CNTNAP2: variants seen among roughly 807,000 people sequenced by gnomAD.
CNTNAP2 encodes the protein contactin associated protein 2.
Under a neutral mutation model 155.2 loss-of-function variants are expected in CNTNAP2, and 98 were observed. That is an observed-to-expected ratio of 0.63 (90% CI 0.54 to 0.75). The LOEUF is 0.75. Ranked by LOEUF, CNTNAP2 falls within the 30% of genes least tolerant of loss-of-function variation. The pLI is 0.00. For missense variants in CNTNAP2, 1,727 were observed against 1,688.1 expected (o/e 1.02, Z -0.40); for synonymous variants, 651 against 631.2 (o/e 1.03, Z -0.47).
At chr7:147,810,359 A>G (rs75816657) in intron 13 of CNTNAP2, among the ~76,000 whole-genome samples, 7 of 152,056 alleles carry the variant, frequency 4.6e-5, no homozygotes, top group African/African-American at 9.6e-5. Flanking sequence ...TAAGAAATCT[A>G]CTTTCTCCCT....
chr7:147,537,392 A>G (rs1423059183), intron 11 of CNTNAP2, among the ~76,000 whole-genome samples: 1 of 152,234 alleles, frequency 6.6e-6, no homozygotes, highest in African/African-American at 2.4e-5. Context: ...ATTCAAACTG[A>G]ATAACAAAAT....
Position 148,419,239 on chromosome 7 carries a change from A to G in CNTNAP2, c.*3623A>G, listed in dbSNP as rs1800060060. 6.6e-6 allele frequency: 1 copy of G among 152,054 alleles called. No homozygotes were observed. The highest frequency in any genetic ancestry group is 1.5e-5 in the Non-Finnish European group (1 of 68,020). 9.4% of individuals were successfully genotyped at this position (152,054 alleles called of 1,614,324 possible). On this transcript the variant is annotated 3_prime_UTR_variant, in exon 24 of 24. Coordinates refer to ENST00000361727, the MANE Select transcript of CNTNAP2 (RefSeq NM_014141.6). ...ATTTTTTCTTTTCACCACCCTGTTG[A>G]GCAATTTTCCCAAAAAAAGGGCAGC...
intron 11 of CNTNAP2, among the ~76,000 whole-genome samples, chr7:147,542,692 G>C (rs937362476): frequency 6.6e-6 from 1 of 152,112 alleles, no homozygotes; most frequent in African/African-American, 2.4e-5. Context: ...GAGAAACCTT[G>C]AACAGGTTTG....
intron 19 of CNTNAP2, among the ~76,000 whole-genome samples, chr7:148,225,438 G>A (rs1317298833): frequency 6.6e-6 from 1 of 152,176 alleles, no homozygotes; most frequent in Non-Finnish European, 1.5e-5. Context: ...AGGCCCTTGG[G>A]TAGGAACAGG....
chr7:147,161,235 T>C (rs2116454375), intron 8 of CNTNAP2, among the ~76,000 whole-genome samples: 1 of 152,232 alleles, frequency 6.6e-6, no homozygotes, highest in South Asian at 2.1e-4. Flanking sequence ...ACATGCAATA[T>C]ATGAAGTACC....
intron 1 of CNTNAP2, among the ~76,000 whole-genome samples, chr7:146,215,345 A>G (rs1450985087): frequency 6.6e-6 from 1 of 152,206 alleles, no homozygotes; most frequent in African/African-American, 2.4e-5. Context: ...ATCATTTCTT[A>G]TAAGAAGGAT....
intron 1 of CNTNAP2, among the ~76,000 whole-genome samples, chr7:146,628,051 T>C (rs149643944): frequency 6.6e-6 from 1 of 152,302 alleles, no homozygotes; most frequent in African/African-American, 2.4e-5. Flanking sequence ...TCCAAAGATA[T>C]ATTTAATAGT....
chr7:146,921,141 G>T (rs184006766), intron 3 of CNTNAP2, among the ~76,000 whole-genome samples: 1 of 152,220 alleles, frequency 6.6e-6, no homozygotes, highest in East Asian at 1.9e-4. Flanking sequence ...CAGCAGAAGA[G>T]GTGGACTACC....
At chr7:147,897,807 G>A (rs1799800439) in intron 13 of CNTNAP2, among the ~76,000 whole-genome samples, 1 of 152,164 alleles carries the variant, frequency 6.6e-6, no homozygotes, top group South Asian at 2.1e-4. Context: ...GACTTCATAA[G>A]GAGAAAAATT....
At chr7:147,262,600 C>T (rs762383118) in intron 8 of CNTNAP2, among the ~76,000 whole-genome samples, 14 of 152,030 alleles carry the variant, frequency 9.2e-5, no homozygotes, top group South Asian at 2.1e-4. Context: ...TTCAGGAGAT[C>T]GAGACCATCC....
At chr7:147,870,678 A>G (rs972984777) in intron 13 of CNTNAP2, among the ~76,000 whole-genome samples, 5 of 152,118 alleles carry the variant, frequency 3.3e-5, no homozygotes, top group Non-Finnish European at 4.4e-5. Flanking sequence ...AATTCTTTGC[A>G]TTTTTTTAGT....
rs111357787 is a variant in CNTNAP2, at chr7:147,462,878, A to T, written c.1671-23057A>T. Among the ~76,000 whole-genome samples the T allele has an allele frequency of 2.4e-3, 367 of 152,328 alleles. 2 individuals are homozygous for T. Among genetic ancestry groups the T allele is most frequent in the African/African-American group, 8.5e-3 (353 of 41,578 alleles). On this transcript the variant is annotated intron_variant, in intron 10 of 23. Coordinates refer to ENST00000361727, the MANE Select transcript of CNTNAP2 (RefSeq NM_014141.6). ...ACTGCAAGCTCCGCCTCCCGGGTTC[A>T]CGTGGGATACTATATTCTAACAAGT...
At chr7:147,736,320 T>A (rs1188138883) in intron 13 of CNTNAP2, among the ~76,000 whole-genome samples, 1 of 152,168 alleles carries the variant, frequency 6.6e-6, no homozygotes, top group Non-Finnish European at 1.5e-5. Context: ...GGTTGAAAAT[T>A]CTTTTCTTTA....
intron 13 of CNTNAP2, among the ~76,000 whole-genome samples, chr7:147,665,816 G>A (rs1795684283): frequency 6.6e-6 from 1 of 152,156 alleles, no homozygotes; most frequent in Non-Finnish European, 1.5e-5. Context: ...CTTTTGTACG[G>A]CTGCATAGTA....
intron 19 of CNTNAP2, among the ~76,000 whole-genome samples, chr7:148,228,805 G>A (rs1215335418): frequency 7.2e-6 from 1 of 138,454 alleles, no homozygotes; most frequent in Non-Finnish European, 1.5e-5. Flanking sequence ...TCCAGCCTGG[G>A]CGACAGAGCG....
At chr7:147,899,008 C>T (rs1006847736) in intron 13 of CNTNAP2, among the ~76,000 whole-genome samples, 5 of 152,100 alleles carry the variant, frequency 3.3e-5, no homozygotes, top group African/African-American at 1.2e-4. Flanking sequence ...TATGTATACA[C>T]AAATATTATA....
intron 3 of CNTNAP2, among the ~76,000 whole-genome samples, chr7:147,030,866 A>G (rs368250839): frequency 3.5e-4 from 54 of 152,314 alleles, no homozygotes; most frequent in African/African-American, 1.3e-3. Context: ...CCTGGGCTAC[A>G]GCGCAAGACC....
intron 13 of CNTNAP2, among the ~76,000 whole-genome samples, chr7:147,781,059 C>T (rs1354862533): frequency 6.6e-6 from 1 of 152,116 alleles, no homozygotes; most frequent in Non-Finnish European, 1.5e-5. Flanking sequence ...CAGCAAGGAC[C>T]CTGGAGCTTC....
Position 147,187,044 on chromosome 7 carries a change from G to A in CNTNAP2, c.1348+54535G>A, listed in dbSNP as rs1009870201. Among the ~76,000 whole-genome samples the A allele has an allele frequency of 2.1e-5, 2 of 93,840 alleles. 1 individual carries two copies. The highest frequency in any genetic ancestry group is 6.0e-5 in the Non-Finnish European group (2 of 33,444). 61.6% of individuals were successfully genotyped at this position (93,840 alleles called of 152,430 possible). A position where few individuals can be genotyped will look rare whatever the true frequency, so the allele number is the denominator to read the frequency against. ...GCTCAGGTGGAAATCACTTTGAAAA[G>A]CAAAGCTTTAGGGCTGGCATATAAG... is the stretch of plus-strand genomic sequence containing the variant. On this transcript the variant is annotated intron_variant, in intron 8 of 23. Transcript: ENST00000361727.
Sources: gnomAD v4.1 joint callset for allele counts (sites outside exome capture counted in the v4.1 genomes callset) on GRCh38, gnomAD v4.1.1 for gene constraint, MANE v1.5 for transcripts, NCBI Gene and HGNC (gene_info 2026-07-23, HGNC 2026-07-21) for gene names.